Variants in NUP43 observed in about 807,000 individuals in gnomAD.
NUP43 encodes nucleoporin 43, also known as nucleoporin Nup43.
Under a neutral mutation model 47.3 loss-of-function variants are expected in NUP43, and 32 were observed. That is an observed-to-expected ratio of 0.68 (90% confidence interval 0.51 to 0.91). The LOEUF (loss-of-function observed/expected upper bound fraction) is 0.91. Ranked by LOEUF, NUP43 falls within the 40% of genes least tolerant of loss-of-function variation. NUP43 has a pLI of 0.00. For synonymous variants in NUP43, 147 were observed against 158.4 expected (o/e 0.93, Z 0.54); for missense variants, 444 against 453.9 (o/e 0.98, Z 0.20).
At chr6:149,740,275 CAAAAAA>C (rs766447484) in intron 4 of NUP43, among the ~76,000 whole-genome samples, 449 of 22,428 alleles carry the variant, frequency 0.02, 1 homozygote, top group Middle Eastern at 0.14. Context: ...GACCCTGTCT[CAAAAAA>C]AAAAAAAAAA....
chr6:149,742,365 T>C, intron 4 of NUP43, 25 bp downstream of exon 4: 1 of 1,609,738 alleles, frequency 6.2e-7, no homozygotes. Context: ...TTTCGCCATG[T>C]TGGCCAGGCT....
chr6:149,736,096 G>T (rs1327118113), intron 6 of NUP43, among the ~76,000 whole-genome samples: 2 of 151,636 alleles, frequency 1.3e-5, no homozygotes, highest in Non-Finnish European at 2.9e-5. Context: ...TGACCAACAT[G>T]GAGAAACCCA....
intron 4 of NUP43, among the ~76,000 whole-genome samples, chr6:149,740,556 G>A (rs1785595861): frequency 1.3e-5 from 2 of 152,124 alleles, no homozygotes; most frequent in Non-Finnish European, 2.9e-5. Flanking sequence ...GTGAACCCAG[G>A]AGGTGGAGGT....
chr6:149,728,400 CTGTT>C (rs1784886326), intron 7 of NUP43: 4 of 983,684 alleles, frequency 4.1e-6, no homozygotes, highest in African/African-American at 1.7e-5. Flanking sequence ...TTAGATGAAA[CTGTT>C]TGTTTCTCTG....
At position 149,736,439 on chromosome 6, in the gene NUP43, A is replaced by G. The variant is rs758059063; in HGVS notation, c.790+32T>C. The G allele has an allele frequency of 1.7e-5, 26 of 1,519,908 alleles. No individual in the cohort carries two copies. The East Asian group carries it at 5.7e-4, about 33-fold the overall frequency. 94.2% of individuals were successfully genotyped at this position (1,519,908 alleles called of 1,614,324 possible). ...TATTATATGTCATATAACTCACCCA[A>G]TATAAACTTTCTGTATCTTCACAAT... On this transcript the variant is annotated intron_variant, in intron 6 of 7. Coordinates refer to ENST00000340413, the MANE Select transcript of NUP43 (RefSeq NM_198887.3).
chr6:149,746,254 G>A lies in NUP43; in HGVS notation c.120+122C>T, dbSNP rs1333560807. 3.4e-6 allele frequency: 5 copies of A among 1,451,088 alleles called. No homozygotes were observed. The East Asian group carries it at 1.1e-4, about 33-fold the overall frequency. 89.9% of individuals were successfully genotyped at this position (1,451,088 alleles called of 1,614,324 possible). A position where few individuals can be genotyped will look rare whatever the true frequency, so the allele number is the denominator to read the frequency against. On this transcript the variant is annotated intron_variant, in intron 1 of 7. Coordinates refer to ENST00000340413, the MANE Select transcript of NUP43 (RefSeq NM_198887.3). ...ACGGAGCAACCGCGCCTGAGACAGG[G>A]GTCCGGGGGACCTAAAAGTGCGAGA...
chr6:149,745,692 T>G (rs1785950936), intron 2 of NUP43, among the ~76,000 whole-genome samples: 1 of 152,162 alleles, frequency 6.6e-6, no homozygotes, highest in Non-Finnish European at 1.5e-5. Flanking sequence ...TTTGTAAAGC[T>G]CCCCAAACGG....
At chr6:149,746,710 C>T (rs1786033866), upstream of NUP43, 13 of 1,500,318 alleles carry the variant, frequency 8.7e-6, no homozygotes, top group Non-Finnish European at 1.1e-5. Context: ...AAGGCAAGAG[C>T]GCTTTGGCCT....
At chr6:149,728,002 T>A (rs1197248266) in intron 7 of NUP43, 1 of 985,318 alleles carries the variant, frequency 1.0e-6, no homozygotes, top group Admixed American at 6.2e-5. Flanking sequence ...TAAAGATTAG[T>A]ACATTTAAAA....
In NUP43 at chr6:149,736,493, C is replaced by T. The variant is rs1435304528; in HGVS notation, c.768G>A (p.Leu256=). The T allele has an allele frequency of 6.9e-6, 11 of 1,588,798 alleles. No homozygotes were observed. The highest frequency in any genetic ancestry group is 8.6e-6 in the Non-Finnish European group (10 of 1,159,790). ...TACTTTCAGCTTCATGAGCCTTCAG[C>T]AGAGATACAGGCATAGTACCTTGTC... ...DVRQGTMPVS[L]LKAHEAEMWE... The change falls in exon 6 of 8, where the codon CTG becomes CTA. Residue 256 remains leucine, a synonymous_variant. Transcript: ENST00000340413.
Position 149,746,253 on chromosome 6 carries a change from G to A in NUP43, c.120+123C>T. On this transcript the variant is annotated intron_variant, in intron 1 of 7. Transcript: ENST00000340413. ...TACGGAGCAACCGCGCCTGAGACAGGGGTCCGGGGGACCTAAAAGTGCGAG... is the reference window on the plus strand; with the variant it reads ...TACGGAGCAACCGCGCCTGAGACAGAGGTCCGGGGGACCTAAAAGTGCGAG... The A allele has an allele frequency of 1.2e-5, 18 of 1,443,554 alleles. No homozygotes were observed. The South Asian group carries it at 2.2e-4, about 18-fold the overall frequency. 89.4% of individuals were successfully genotyped at this position (1,443,554 alleles called of 1,614,324 possible). A position where few individuals can be genotyped will look rare whatever the true frequency, so the allele number is the denominator to read the frequency against.
chr6:149,734,354 G>A (rs756570879), intron 6 of NUP43, among the ~76,000 whole-genome samples: 2 of 151,216 alleles, frequency 1.3e-5, no homozygotes, highest in African/African-American at 2.4e-5. Flanking sequence ...AAAATTAGCC[G>A]GGTGTAGTAG....
Position 149,728,006 on chromosome 6 carries a change from T to C in NUP43, c.914-808A>G, listed in dbSNP as rs77747823. 6.8e-3 allele frequency: 6,694 copies of C among 985,410 alleles called. 345 individuals carry two copies. The African/African-American group carries it at 0.1, about 15-fold the overall frequency. 61.0% of individuals were successfully genotyped at this position (985,410 alleles called of 1,614,324 possible). A position where few individuals can be genotyped will look rare whatever the true frequency, so the allele number is the denominator to read the frequency against. ...GTCTTGAAGCTTAAAGATTAGTACATTTAAAATCTTGCTGATCCTTTAAAA... is the reference window on the plus strand; with the variant it reads ...GTCTTGAAGCTTAAAGATTAGTACACTTAAAATCTTGCTGATCCTTTAAAA... On this transcript the variant is annotated intron_variant, in intron 7 of 7. Transcript: ENST00000340413.
chr6:149,726,579 C>A lies in NUP43; in HGVS notation c.*390G>T. 1 of 218,964 alleles carries A rather than the reference C, an allele frequency of 4.6e-6. No individual in the cohort carries two copies. Among genetic ancestry groups the A allele is most frequent in the Non-Finnish European group, 9.3e-6 (1 of 107,580 alleles). The allele number at this position is 218,964 out of a possible 1,614,324, so 13.6% of individuals were successfully genotyped here. A position where few individuals can be genotyped will look rare whatever the true frequency, so the allele number is the denominator to read the frequency against. On this transcript the variant is annotated 3_prime_UTR_variant, in exon 8 of 8. Transcript: ENST00000340413. ...AACTGCCACTAGGAAGGTGTATATG[C>A]CACATACTACTGATAAAAATTGTAG...
At position 149,732,302 on chromosome 6, in the gene NUP43, T is replaced by C. The variant is rs536058826; in HGVS notation, c.791-567A>G. 3.3e-5 allele frequency among the ~76,000 whole-genome samples: 5 copies of C among 151,790 alleles called. No individual in the cohort carries two copies. In the East Asian group the frequency reaches 7.8e-4, roughly 24 times the overall value. ...GGCTCATGCTTGTAATCCTAACACT[T>C]TGGGAGGCCAAGGTGGGTGGATCAC... On this transcript the variant is annotated intron_variant, in intron 6 of 7. Transcript: ENST00000340413.
chr6:149,739,398 TGCCTCG>T (rs1490073075), intron 4 of NUP43, among the ~76,000 whole-genome samples: 1 of 152,054 alleles, frequency 6.6e-6, no homozygotes, highest in East Asian at 1.9e-4. Flanking sequence ...GCGATTCTCT[TGCCTCG>T]GCCTCTCTAG....
At chr6:149,733,157 G>T (rs190528113) in intron 6 of NUP43, among the ~76,000 whole-genome samples, 3 of 152,056 alleles carry the variant, frequency 2.0e-5, no homozygotes, top group African/African-American at 7.2e-5. Flanking sequence ...AACTGAGAAA[G>T]ATCCTAATGA....
chr6:149,733,909 C>G (rs6927395), intron 6 of NUP43, among the ~76,000 whole-genome samples: 7,951 of 152,022 alleles, frequency 0.052, 586 homozygotes, highest in African/African-American at 0.15. Context: ...ACCACAACCT[C>G]TGCCTCCCAG....
At chr6:149,736,411 GCTT>G in intron 6 of NUP43, 57 bp downstream of exon 6, 1 of 1,230,558 alleles carries the variant, frequency 8.1e-7, no homozygotes, top group Non-Finnish European at 1.1e-6. Flanking sequence ...ATGGAAAGGT[GCTT>G]ATTATATGTC....
Sources: allele counts gnomAD v4.1 joint callset (sites outside exome capture counted in the v4.1 genomes callset), GRCh38; gene constraint gnomAD v4.1.1; transcripts MANE v1.5; gene names NCBI Gene and HGNC (gene_info 2026-07-23, HGNC 2026-07-21).